Variants in DYRK1A observed in about 807,000 individuals in gnomAD.
DYRK1A encodes dual specificity tyrosine-phosphorylation-regulated kinase 1A.
Under a neutral mutation model 79.7 loss-of-function variants are expected in DYRK1A, and 9 were observed. The observed-to-expected ratio is 0.11, with a 90% CI of 0.07 to 0.20. The LOEUF is 0.20. Ranked by LOEUF, DYRK1A falls within the 10% of genes least tolerant of loss-of-function variation. DYRK1A has a pLI of 1.00. For missense variants in DYRK1A, 622 were observed against 956.0 expected (o/e 0.65, Z 4.61); for synonymous variants, 349 against 329.7 (o/e 1.06, Z -0.63).
intron 2 of DYRK1A, among the ~76,000 whole-genome samples, chr21:37,445,883 C>T (rs1788400222): frequency 6.6e-6 from 1 of 152,170 alleles, no homozygotes; most frequent in Admixed American, 6.5e-5. Flanking sequence ...GTGGCTTATG[C>T]CTGTAATCCC....
intron 11 of DYRK1A, among the ~76,000 whole-genome samples, chr21:37,511,400 T>A (rs2053745071): frequency 6.6e-6 from 1 of 152,060 alleles, no homozygotes; most frequent in African/African-American, 2.4e-5. Flanking sequence ...AGGCAAGAGA[T>A]GATGGGGATG....
At chr21:37,468,821 G>A (rs148446424) in intron 2 of DYRK1A, among the ~76,000 whole-genome samples, 108 of 152,210 alleles carry the variant, frequency 7.1e-4, no homozygotes, top group African/African-American at 2.3e-3. Flanking sequence ...CAAAAGTATA[G>A]TACTAATTGT....
At chr21:37,504,791 C>G (rs2053546798) in intron 9 of DYRK1A, 3 of 154,320 alleles carry the variant, frequency 1.9e-5, no homozygotes, top group Admixed American at 1.3e-4. Flanking sequence ...ATTGCCATAG[C>G]TTTCTTGGGC....
intron 2 of DYRK1A, among the ~76,000 whole-genome samples, chr21:37,439,137 C>T (rs1199851302): frequency 6.6e-6 from 1 of 152,162 alleles, no homozygotes; most frequent in African/African-American, 2.4e-5. Context: ...ATAAATATAT[C>T]CTTGTATTCT....
At chr21:37,468,638 G>A (rs1244019536) in intron 2 of DYRK1A, among the ~76,000 whole-genome samples, 1 of 152,158 alleles carries the variant, frequency 6.6e-6, no homozygotes, top group Non-Finnish European at 1.5e-5. Flanking sequence ...TAAATAATTG[G>A]TTAAGGATCA....
upstream of DYRK1A, chr21:37,366,291 C>G (rs1032563637): frequency 6.8e-6 from 1 of 146,092 alleles, no homozygotes; most frequent in Non-Finnish European, 1.5e-5. Context: ...GCAGCCCGCC[C>G]CTCCCCCCGG....
rs149410754 is a variant in DYRK1A, at chr21:37,526,255, T to G, written c.*13724T>G. The G allele has an allele frequency of 2.0e-3, 308 of 152,308 alleles. No individual in the cohort carries two copies. Among genetic ancestry groups the G allele is most frequent in the Middle Eastern group, 0.01 (3 of 294 alleles). The allele number at this position is 152,308 out of a possible 1,614,324, so 9.4% of individuals were successfully genotyped here. A position where few individuals can be genotyped will look rare whatever the true frequency, so the allele number is the denominator to read the frequency against. On this transcript the variant is annotated 3_prime_UTR_variant, in exon 12 of 12. Coordinates refer to ENST00000647188, the MANE Select transcript of DYRK1A (RefSeq NM_001347721.2). ...CATTGATCTGCATTTGAGAAGTGAT[T>G]AATGTGTTGAAAGGCAACTATCTAA...
intron 2 of DYRK1A, among the ~76,000 whole-genome samples, chr21:37,426,384 A>G (rs1207562931): frequency 6.6e-6 from 1 of 152,172 alleles, no homozygotes; most frequent in African/African-American, 2.4e-5. Context: ...ACTGCAGACA[A>G]TGAAAGCATG....
At chr21:37,415,621 A>C (rs1234353126) in intron 1 of DYRK1A, 3 of 151,330 alleles carry the variant, frequency 2.0e-5, no homozygotes, top group African/African-American at 7.3e-5. Context: ...GCACCACCAC[A>C]CCCAACCAAG....
At chr21:37,502,742 T>C (rs2053487955) in intron 9 of DYRK1A, 1 of 152,248 alleles carries the variant, frequency 6.6e-6, no homozygotes, top group Admixed American at 6.5e-5. Context: ...TCTGGTATTA[T>C]TTCTTCAGCC....
At chr21:37,418,923 C>G (rs1294562687) in intron 1 of DYRK1A, 1 of 152,152 alleles carries the variant, frequency 6.6e-6, no homozygotes, top group Non-Finnish European at 1.5e-5. Flanking sequence ...CTCATATTGT[C>G]TCTGAGGTTC....
intron 3 of DYRK1A, among the ~76,000 whole-genome samples, chr21:37,475,677 A>G (rs986979745): frequency 1.3e-5 from 2 of 152,248 alleles, no homozygotes; most frequent in African/African-American, 4.8e-5. Context: ...CCAGTTGTGG[A>G]AAAGATTAGC....
intron 5 of DYRK1A, among the ~76,000 whole-genome samples, chr21:37,484,012 C>T (rs1448098931): frequency 1.3e-5 from 2 of 152,138 alleles, no homozygotes; most frequent in South Asian, 2.1e-4. Context: ...GTTCCCAACC[C>T]GGGCTACACA....
intron 2 of DYRK1A, among the ~76,000 whole-genome samples, chr21:37,437,094 C>A (rs575474608): frequency 6.6e-6 from 1 of 152,038 alleles, no homozygotes; most frequent in African/African-American, 2.4e-5. Flanking sequence ...GGGGCCTGTT[C>A]GAAAATTGCA....
At chr21:37,478,768 A>G (rs183138522) in intron 4 of DYRK1A, among the ~76,000 whole-genome samples, 2 of 152,296 alleles carry the variant, frequency 1.3e-5, no homozygotes, top group Non-Finnish European at 2.9e-5. Context: ...TGATCTATCT[A>G]TATTTCTGTG....
intron 1 of DYRK1A, among the ~76,000 whole-genome samples, chr21:37,371,595 T>C (rs544314746): frequency 6.6e-6 from 1 of 152,354 alleles, no homozygotes; most frequent in East Asian, 1.9e-4. Context: ...TCTTCTCTTC[T>C]AGAAAGCGAT....
intron 2 of DYRK1A, among the ~76,000 whole-genome samples, chr21:37,433,047 ATAT>A (rs1569317432): frequency 1.1e-4 from 16 of 148,420 alleles, no homozygotes; most frequent in East Asian, 5.8e-4. Context: ...AATTCTAAAT[ATAT>A]ATATATATAT....
chr21:37,429,073 T>A lies in DYRK1A; in HGVS notation c.10+8689T>A, dbSNP rs1233004867. Among the ~76,000 whole-genome samples the A allele has an allele frequency of 2.0e-5, 3 of 152,230 alleles. No homozygotes were observed. In the East Asian group the frequency reaches 5.8e-4, roughly 29 times the overall value. ...TAGAGATCCATATTGCTAATGGATA[T>A]ACATTAGAGAGAAACACAAATAAGT... On this transcript the variant is annotated intron_variant, in intron 2 of 11. Coordinates refer to ENST00000647188, the MANE Select transcript of DYRK1A (RefSeq NM_001347721.2).
intron 3 of DYRK1A, among the ~76,000 whole-genome samples, chr21:37,474,274 G>A (rs1192646403): frequency 1.3e-5 from 2 of 152,068 alleles, no homozygotes; most frequent in African/African-American, 4.8e-5. Context: ...AATTAACAAA[G>A]CACCTATTTT....
Sources: gnomAD v4.1 joint callset for allele counts (sites outside exome capture counted in the v4.1 genomes callset) on GRCh38, gnomAD v4.1.1 for gene constraint, MANE v1.5 for transcripts, NCBI Gene and HGNC (gene_info 2026-07-23, HGNC 2026-07-21) for gene names.